DOCK7: variants seen among roughly 807,000 people sequenced by gnomAD.
DOCK7 encodes the protein dedicator of cytokinesis 7.
A neutral mutation model predicts 271.0 loss-of-function variants in DOCK7; 138 were observed. The observed-to-expected ratio is 0.51, with a 90% CI of 0.44 to 0.59. The LOEUF (loss-of-function observed/expected upper bound fraction) is 0.59, where lower values mean the gene tolerates loss of function less well. Ranked by LOEUF, DOCK7 falls within the 20% of genes least tolerant of loss-of-function variation. DOCK7 has a pLI of 0.00. For missense variants in DOCK7, 2,066 were observed against 2,592.4 expected, an observed-to-expected ratio of 0.80 and a Z score of 4.41; for synonymous variants, 823 against 876.1, an observed-to-expected ratio of 0.94 and a Z score of 1.07.
intron 22 of DOCK7, among the ~76,000 whole-genome samples, chr1:62,551,627 T>C (rs1253044247): frequency 1.3e-5 from 2 of 152,020 alleles, no homozygotes; most frequent in Non-Finnish European, 2.9e-5. Flanking sequence ...TAAAATTATA[T>C]ACATTATTAG....
rs1387102015 is a variant in DOCK7, at chr1:62,475,138, T to C, written c.6105+70A>G. 6 of 1,485,346 alleles carry C rather than the reference T, an allele frequency of 4.0e-6. No individual in the cohort carries two copies. The East Asian group carries it at 7.4e-5, about 18-fold the overall frequency. The allele number at this position is 1,485,346 out of a possible 1,614,324, so 92.0% of individuals were successfully genotyped here. ...TCCTTTTCATCTGACTTAACAATTA[T>C]TTCTGATCTGAAATTATCCCAAATC... is the stretch of plus-strand genomic sequence containing the variant. On this transcript the variant is annotated intron_variant, in intron 47 of 49. Transcript: ENST00000635253.
chr1:62,457,391 C>G (rs1477628763), intron 49 of DOCK7, 147 bp downstream of exon 49: 13 of 747,524 alleles, frequency 1.7e-5, no homozygotes, highest in African/African-American at 3.5e-5. Context: ...AAGTGTAACA[C>G]GAATATTCCA....
In DOCK7 at chr1:62,567,901, T is replaced by C. The variant is rs1034749640; in HGVS notation, c.2113-6198A>G. Among the ~76,000 whole-genome samples, 4 of 152,208 alleles carry C rather than the reference T, an allele frequency of 2.6e-5. No homozygotes were observed. The East Asian group carries it at 5.8e-4, about 22-fold the overall frequency. Reference sequence around the variant, plus strand: ...CAGTTCTCTTCAGTTCTAAAACAAGTGGACCTGATAGATATCTACAGAACT... The same window carrying C: ...CAGTTCTCTTCAGTTCTAAAACAAGCGGACCTGATAGATATCTACAGAACT... On this transcript the variant is annotated intron_variant, in intron 18 of 49. Coordinates refer to ENST00000635253, the MANE Select transcript of DOCK7 (RefSeq NM_001367561.1).
intron 14 of DOCK7, among the ~76,000 whole-genome samples, chr1:62,617,471 G>A (rs1053885326): frequency 7.2e-5 from 11 of 151,918 alleles, no homozygotes; most frequent in African/African-American, 2.7e-4. Flanking sequence ...AAATTAGTAA[G>A]GATAGCAAAA....
In DOCK7 at chr1:62,513,326, T is replaced by TA. The variant is rs1463228893; in HGVS notation, c.4282+117_4282+118insT. 1.1e-3 allele frequency: 1,048 copies of TA among 919,026 alleles called. 1 individual carries two copies. Among genetic ancestry groups the TA allele is most frequent in the Non-Finnish European group, 1.4e-3 (1,001 of 693,230 alleles). The allele number at this position is 919,026 out of a possible 1,614,324, so 56.9% of individuals were successfully genotyped here. ...TTTTATTACTGCAGAGAAATGATTA[T>TA]TCAAGTTAATTCACAGTTACACTTA... is the stretch of plus-strand genomic sequence containing the variant. On this transcript the variant is annotated intron_variant, in intron 33 of 49. Transcript: ENST00000635253.
chr1:62,511,505 A>C (rs1412884022), intron 33 of DOCK7: 4 of 152,224 alleles, frequency 2.6e-5, no homozygotes, highest in Non-Finnish European at 2.9e-5. Context: ...GGTTAAGAGG[A>C]TGAAGAATAA....
chr1:62,678,308 T>C (rs1660747471), intron 1 of DOCK7, among the ~76,000 whole-genome samples: 1 of 152,068 alleles, frequency 6.6e-6, no homozygotes, highest in African/African-American at 2.4e-5. Context: ...AAAAAAATAA[T>C]GATTTCCAGA....
intron 2 of DOCK7, among the ~76,000 whole-genome samples, chr1:62,662,295 TAA>T (rs1291694398): frequency 6.6e-6 from 1 of 152,176 alleles, no homozygotes; most frequent in African/African-American, 2.4e-5. Flanking sequence ...GCTTCTTTAA[TAA>T]GAGAACATTT....
intron 18 of DOCK7, among the ~76,000 whole-genome samples, chr1:62,564,308 T>C (rs531033137): frequency 5.4e-4 from 82 of 152,160 alleles, no homozygotes; most frequent in Non-Finnish European, 1.0e-3. Flanking sequence ...ATTGACCACA[T>C]AATTTGAAGT....
At position 62,508,033 on chromosome 1, in the gene DOCK7, C is replaced by G; in HGVS notation, c.4405G>C (p.Ala1469Pro). Residue 1469 changes from alanine (A) to proline (P), a missense_variant, in exon 35 of 50, where the codon GCA becomes CCA. This residue lies in a region of DOCK7 where 652 missense variants were observed against 922.1 expected (regional missense o/e 0.71). Transcript: ENST00000635253. ...GTAGCCAGGTTTCCATCAATCAGTG[C>G]TTCGTGTTCAATCTCTGCTCTTGAT... ...DKSRAEIEHEALIDGNLATEA... is the reference protein window; with the variant it reads ...DKSRAEIEHEPLIDGNLATEA... 4 of 1,611,956 alleles carry G rather than the reference C, an allele frequency of 2.5e-6. No homozygotes were observed. The highest frequency in any genetic ancestry group is 3.4e-6 in the Non-Finnish European group (4 of 1,179,508).
rs544105559 is a variant in DOCK7, at chr1:62,592,965, T to C, written c.1683-6341A>G. ...ATACATACTGTTTATAATTAGAAAATTGGAAACAAATGATTAAAAGGGGGC... is the reference window on the plus strand; with the variant it reads ...ATACATACTGTTTATAATTAGAAAACTGGAAACAAATGATTAAAAGGGGGC... On this transcript the variant is annotated intron_variant, in intron 14 of 49. Coordinates refer to ENST00000635253, the MANE Select transcript of DOCK7 (RefSeq NM_001367561.1). 2.1e-3 allele frequency among the ~76,000 whole-genome samples: 318 copies of C among 152,236 alleles called. 2 individuals are homozygous for C. The highest frequency in any genetic ancestry group is 7.3e-3 in the African/African-American group (302 of 41,544).
intron 36 of DOCK7, among the ~76,000 whole-genome samples, chr1:62,505,122 T>C (rs1646902629): frequency 6.6e-6 from 1 of 152,212 alleles, no homozygotes; most frequent in Non-Finnish European, 1.5e-5. Flanking sequence ...TATTACAAAA[T>C]AATACGTAAG....
chr1:62,503,915 C>T (rs1026129443), intron 37 of DOCK7, among the ~76,000 whole-genome samples: 2 of 151,906 alleles, frequency 1.3e-5, no homozygotes, highest in African/African-American at 2.4e-5. Context: ...GGCGTGGTGG[C>T]GGGCACCTGT....
At chr1:62,468,582 G>C (rs1376830705) in intron 48 of DOCK7, among the ~76,000 whole-genome samples, 2 of 152,034 alleles carry the variant, frequency 1.3e-5, no homozygotes. Flanking sequence ...ACAAGAGAAA[G>C]AAATAAAGCA....
chr1:62,653,147 T>A (rs569569654), intron 4 of DOCK7, among the ~76,000 whole-genome samples: 164 of 152,332 alleles, frequency 1.1e-3, no homozygotes, highest in African/African-American at 3.6e-3. Flanking sequence ...TTATGCAAAT[T>A]AGCAAATGAT....
In DOCK7 at chr1:62,579,695, GAAAAAA is replaced by G. The variant is rs34924913; in HGVS notation, c.1872-735_1872-730del. ...CTGGCCTAGGTGACAGAGTGAGACC[GAAAAAA>G]AAAAAAAAAAAAAAAAGATCAAGTT... On this transcript the variant is annotated intron_variant, in intron 16 of 49. Coordinates refer to ENST00000635253, the MANE Select transcript of DOCK7 (RefSeq NM_001367561.1). 3.7e-3 allele frequency among the ~76,000 whole-genome samples: 238 copies of G among 63,910 alleles called. 1 individual carries two copies. Among genetic ancestry groups the G allele is most frequent in the Non-Finnish European group, 3.5e-3 (119 of 34,480 alleles). The allele number at this position is 63,910 out of a possible 152,430, so 41.9% of individuals were successfully genotyped here. A position where few individuals can be genotyped will look rare whatever the true frequency, so the allele number is the denominator to read the frequency against.
chr1:62,644,890 CAA>C (rs1041081353), intron 7 of DOCK7, among the ~76,000 whole-genome samples: 9 of 152,006 alleles, frequency 5.9e-5, no homozygotes, highest in African/African-American at 2.2e-4. Context: ...GAGAGACAAA[CAA>C]AAGTTAAATA....
At chr1:62,627,200 AC>A (rs1368979477) in intron 11 of DOCK7, among the ~76,000 whole-genome samples, 1 of 152,206 alleles carries the variant, frequency 6.6e-6, no homozygotes, top group Non-Finnish European at 1.5e-5. Context: ...TGATAAAAAC[AC>A]TTTTAAAAAT....
chr1:62,508,600 G>GA (rs900408078), intron 34 of DOCK7, among the ~76,000 whole-genome samples: 1 of 152,140 alleles, frequency 6.6e-6, no homozygotes, highest in African/African-American at 2.4e-5. Flanking sequence ...CAAATTTGGG[G>GA]AAAAAAGGAT....
Sources: allele counts gnomAD v4.1 joint callset (sites outside exome capture counted in the v4.1 genomes callset), GRCh38; gene constraint gnomAD v4.1.1; regional missense constraint gnomAD v4.1.1; transcripts MANE v1.5; gene names NCBI Gene and HGNC (gene_info 2026-07-23, HGNC 2026-07-21).